DNPEP: variants seen among roughly 807,000 people sequenced by gnomAD.
DNPEP encodes aspartyl aminopeptidase.
Under a neutral mutation model 59.1 loss-of-function variants are expected in DNPEP, and 46 were observed. The observed-to-expected ratio is 0.78, with a 90% confidence interval of 0.61 to 0.99. The LOEUF (loss-of-function observed/expected upper bound fraction) is 0.99. Ranked by LOEUF, DNPEP falls within the 50% of genes least tolerant of loss-of-function variation. The probability of loss-of-function intolerance (pLI) is 0.00; values close to 1 mark genes in which losing one functional copy is unlikely to be tolerated. For synonymous variants in DNPEP, 229 were observed against 242.2 expected (o/e 0.95, Z 0.50); for missense variants, 617 against 649.9 (o/e 0.95, Z 0.55).
chr2:219,373,103 T>C lies in DNPEP; in HGVS notation c.*1189A>G, dbSNP rs1316045509. Among the ~76,000 whole-genome samples, 2 of 151,630 alleles carry C rather than the reference T, an allele frequency of 1.3e-5. No individual in the cohort carries two copies. The highest frequency in any genetic ancestry group is 2.4e-5 in the African/African-American group (1 of 41,248). ...TTTTTTTTTTGAGAGAGTTTCACCC[T>C]TGTTGCCCAGGCTAGAGTGCAATGG... On this transcript the variant is annotated 3_prime_UTR_variant, in exon 15 of 15. Coordinates refer to ENST00000273075, the MANE Select transcript of DNPEP (RefSeq NM_012100.4).
intron 1 of DNPEP, among the ~76,000 whole-genome samples, chr2:219,399,189 A>G (rs1954146451): frequency 6.6e-6 from 1 of 152,232 alleles, no homozygotes. Context: ...TTGAAAAGAT[A>G]GGCAATTCTG....
chr2:219,381,332 C>T lies in DNPEP; in HGVS notation c.1239+3G>A. ...CACCTTCCCAGGCAGGGCCCACCCTCACCTGCAGGGGGACCTTGACTTTGT... is the reference window on the plus strand; with the variant it reads ...CACCTTCCCAGGCAGGGCCCACCCTTACCTGCAGGGGGACCTTGACTTTGT... On this transcript the variant is annotated splice_donor_region_variant and intron_variant, in intron 13 of 14. Transcript: ENST00000273075. The T allele has an allele frequency of 1.2e-6, 2 of 1,613,122 alleles. No individual in the cohort carries two copies. Among genetic ancestry groups the T allele is most frequent in the Non-Finnish European group, 1.7e-6 (2 of 1,179,512 alleles).
intron 14 of DNPEP, among the ~76,000 whole-genome samples, chr2:219,374,574 CTCT>C (rs1489864622): frequency 1.3e-5 from 2 of 152,148 alleles, no homozygotes; most frequent in Non-Finnish European, 2.9e-5. Context: ...GTTGTTTTAT[CTCT>C]TTTTTCTCTT....
intron 13 of DNPEP, among the ~76,000 whole-genome samples, chr2:219,379,106 C>T (rs1318409108): frequency 5.9e-5 from 9 of 152,078 alleles, no homozygotes; most frequent in Admixed American, 1.3e-4. Context: ...TCAGTAGAGA[C>T]GGGGTTTCAC....
chr2:219,395,442 T>C (rs140657989), intron 1 of DNPEP, among the ~76,000 whole-genome samples: 2,669 of 152,302 alleles, frequency 0.018, 26 homozygotes, highest in Middle Eastern at 0.075. Context: ...TTCCACAGGA[T>C]GGGAAGGGGG....
upstream of DNPEP, among the ~76,000 whole-genome samples, chr2:219,389,600 C>T (rs1436660422): frequency 1.3e-5 from 2 of 151,970 alleles, no homozygotes; most frequent in African/African-American, 4.8e-5. Flanking sequence ...GAGGCCGAGG[C>T]GGGTAGATCA....
At chr2:219,386,231 A>G (rs1356149099) in intron 5 of DNPEP, 55 bp downstream of exon 5, 5 of 1,612,792 alleles carry the variant, frequency 3.1e-6, no homozygotes, top group Non-Finnish European at 4.2e-6. Context: ...TACCCTGAGG[A>G]GTGTGGCAGT....
At chr2:219,397,348 C>A (rs1954116181) in intron 1 of DNPEP, among the ~76,000 whole-genome samples, 1 of 151,628 alleles carries the variant, frequency 6.6e-6, no homozygotes, top group Non-Finnish European at 1.5e-5. Flanking sequence ...TTCCAGAGAG[C>A]TAATTGGTTT....
chr2:219,386,725 C>G lies in DNPEP; in HGVS notation c.273G>C (p.Gln91His). Residue 91 changes from glutamine (Q) to histidine (H), a missense_variant, in exon 4 of 15, where the codon CAG (glutamine) becomes CAC (histidine). Coordinates refer to ENST00000273075, the MANE Select transcript of DNPEP (RefSeq NM_012100.4). ...STIIAFAVGG[Q>H]YVPGNGFSLI... ...GGCTGAAGCCATTGCCAGGAACGTA[C>G]TGGCCCCCTACAGCAAAAGCTATGA... 6.2e-7 allele frequency: 1 copy of G among 1,613,206 alleles called. No homozygotes were observed.
At chr2:219,386,837 G>T in intron 3 of DNPEP, 55 bp downstream of exon 3, 1 of 1,610,550 alleles carries the variant, frequency 6.2e-7, no homozygotes, top group Non-Finnish European at 8.5e-7. Flanking sequence ...TGGCACACAG[G>T]GCTTGGAGAC....
At chr2:219,385,187 G>A (rs1215937621) in intron 8 of DNPEP, 9 of 469,790 alleles carry the variant, frequency 1.9e-5, no homozygotes, top group East Asian at 3.2e-5. Context: ...GAAACTCTTT[G>A]GGAATCTGTA....
intron 8 of DNPEP, 32 bp from the exon 9 acceptor site, chr2:219,384,475 A>G: frequency 6.4e-7 from 1 of 1,572,762 alleles, no homozygotes; most frequent in Non-Finnish European, 8.7e-7. Flanking sequence ...CCCGACCTTC[A>G]ACCCTCCACC....
upstream of DNPEP, among the ~76,000 whole-genome samples, chr2:219,393,289 A>G (rs1365113435): frequency 1.3e-5 from 2 of 150,640 alleles, no homozygotes; most frequent in Non-Finnish European, 3.0e-5. Context: ...TTTTTTTTTT[A>G]GTTTTTTTGA....
At chr2:219,374,741 AG>A in intron 14 of DNPEP, 113 bp downstream of exon 14, 1 of 1,265,244 alleles carries the variant, frequency 7.9e-7, no homozygotes, top group South Asian at 1.5e-5. Flanking sequence ...CATGACAACC[AG>A]CCCCCATTAC....
Position 219,387,308 on chromosome 2 carries a change from C to T in DNPEP, c.37-145G>A, listed in dbSNP as rs1271659068. Reference sequence around the variant, plus strand: ...CTTCCGCCCGTCCCCACCGAGAGACCCAAACCCAGGGCTGAAACTCCGTTG... The same window carrying T: ...CTTCCGCCCGTCCCCACCGAGAGACTCAAACCCAGGGCTGAAACTCCGTTG... On this transcript the variant is annotated intron_variant, in intron 1 of 14. Coordinates refer to ENST00000273075, the MANE Select transcript of DNPEP (RefSeq NM_012100.4). The T allele has an allele frequency of 2.8e-6, 4 of 1,447,934 alleles. No individual in the cohort carries two copies. In the East Asian group the frequency reaches 1.0e-4, roughly 36 times the overall value. The allele number at this position is 1,447,934 out of a possible 1,614,324, so 89.7% of individuals were successfully genotyped here.
chr2:219,386,235 T>C, intron 5 of DNPEP, 51 bp downstream of exon 5: 2 of 1,613,176 alleles, frequency 1.2e-6, no homozygotes, highest in East Asian at 2.2e-5. Flanking sequence ...CTGAGGAGTG[T>C]GGCAGTCAGT....
Position 219,386,921 on chromosome 2 carries a change from C to T in DNPEP, c.190G>A (p.Glu64Lys). The change falls in exon 3 of 15, where the codon GAG becomes AAG. Residue 64 changes from glutamate to lysine, a missense_variant. Physicochemically the swap from Glu to Lys is moderately conservative, Grantham distance 56 (BLOSUM62 1). Transcript: ENST00000273075. Reference protein sequence around the residue: ...QAGFSELKETEKWNIKPESKY... With the variant: ...QAGFSELKETKKWNIKPESKY... The stretch of plus-strand genomic sequence containing the variant: ...CTCTCGGGCTTAATATTCCATTTCT[C>T]AGTCTCCTTGAGTTCACTGAAGCCA... 1 of 1,609,446 alleles carries T rather than the reference C, an allele frequency of 6.2e-7. No individual in the cohort carries two copies. Among genetic ancestry groups the T allele is most frequent in the Non-Finnish European group, 8.5e-7 (1 of 1,177,058 alleles).
chr2:219,399,639 T>C, intron 1 of DNPEP: 3 of 631,688 alleles, frequency 4.7e-6, no homozygotes, highest in Middle Eastern at 2.5e-4. Flanking sequence ...CAGACAGGGT[T>C]GTTTGGAAAG....
At chr2:219,380,016 A>G (rs1953522849) in intron 13 of DNPEP, among the ~76,000 whole-genome samples, 1 of 152,122 alleles carries the variant, frequency 6.6e-6, no homozygotes, top group African/African-American at 2.4e-5. Flanking sequence ...AATGTAGTGT[A>G]GCCTAAGTGT....
Sources: gnomAD v4.1 joint callset for allele counts (sites outside exome capture counted in the v4.1 genomes callset) on GRCh38, gnomAD v4.1.1 for gene constraint, MANE v1.5 for transcripts, NCBI Gene and HGNC (gene_info 2026-07-23, HGNC 2026-07-21) for gene names.